The following MYO1D variants were observed in gnomAD, a reference collection of about 807,000 sequenced individuals.
MYO1D encodes unconventional myosin-Id.
In MYO1D, 83 loss-of-function variants were observed where a neutral mutation model predicts 122.0. That is an observed-to-expected ratio of 0.68 (90% CI 0.57 to 0.82). The LOEUF (loss-of-function observed/expected upper bound fraction) is 0.82. Among genes scored for constraint, MYO1D ranks in the 40% least tolerant of loss-of-function variants. The pLI is 0.00. For synonymous variants in MYO1D, 464 were observed against 446.9 expected (o/e 1.04, Z -0.48); for missense variants, 1,157 against 1,269.5 (o/e 0.91, Z 1.35).
intron 15 of MYO1D, 139 bp from the exon 16 acceptor site, chr17:32,712,334 G>A: frequency 1.3e-6 from 1 of 753,410 alleles, no homozygotes. Context: ...AGCCTCATAA[G>A]GTATGCAAAA....
chr17:32,679,275 T>G (rs1305119352), intron 16 of MYO1D, among the ~76,000 whole-genome samples: 1 of 151,486 alleles, frequency 6.6e-6, no homozygotes, highest in Non-Finnish European at 1.5e-5. Context: ...TAGATCCCAT[T>G]TGTCAATTTT....
At chr17:32,713,982 C>T (rs1185570014) in intron 15 of MYO1D, among the ~76,000 whole-genome samples, 1 of 151,702 alleles carries the variant, frequency 6.6e-6, no homozygotes, top group Non-Finnish European at 1.5e-5. Context: ...AGATGTTTTC[C>T]CACTTGATCT....
intron 14 of MYO1D, 142 bp from the exon 15 acceptor site, chr17:32,721,331 T>C: frequency 1.3e-6 from 1 of 768,736 alleles, no homozygotes; most frequent in Non-Finnish European, 2.0e-6. Flanking sequence ...AATAAAGTAG[T>C]TATTCTTCCT....
At chr17:32,560,799 T>C (rs1014918888) in intron 21 of MYO1D, among the ~76,000 whole-genome samples, 8 of 151,490 alleles carry the variant, frequency 5.3e-5, no homozygotes, top group Non-Finnish European at 8.8e-5. Flanking sequence ...TTTGTATTTT[T>C]AGTAGAGACG....
intron 11 of MYO1D, among the ~76,000 whole-genome samples, chr17:32,749,708 T>C (rs1032892941): frequency 6.6e-6 from 1 of 152,008 alleles, no homozygotes; most frequent in African/African-American, 2.4e-5. Flanking sequence ...GCCTGGGCAA[T>C]ACAGCGAGAC....
intron 6 of MYO1D, among the ~76,000 whole-genome samples, chr17:32,770,283 CT>C (rs1448746445): frequency 6.6e-6 from 1 of 152,028 alleles, no homozygotes; most frequent in Non-Finnish European, 1.5e-5. Flanking sequence ...TATCTTAGAT[CT>C]TTTTCCTTTA....
intron 1 of MYO1D, among the ~76,000 whole-genome samples, chr17:32,847,322 T>C (rs2090947450): frequency 6.6e-6 from 1 of 152,212 alleles, no homozygotes; most frequent in African/African-American, 2.4e-5. Flanking sequence ...CACAAGCATA[T>C]ATATGCTGCT....
chr17:32,597,680 T>A (rs2087510655), intron 21 of MYO1D, among the ~76,000 whole-genome samples: 2 of 151,862 alleles, frequency 1.3e-5, no homozygotes. Context: ...AAGACCAGCC[T>A]GGCCAAAATG....
chr17:32,696,165 G>A (rs2089169619), intron 16 of MYO1D, among the ~76,000 whole-genome samples: 1 of 151,936 alleles, frequency 6.6e-6, no homozygotes, highest in African/African-American at 2.4e-5. Context: ...GAGAATGGCA[G>A]CCCCACAGAG....
intron 21 of MYO1D, among the ~76,000 whole-genome samples, chr17:32,560,908 A>G (rs1390811093): frequency 6.9e-6 from 1 of 144,988 alleles, no homozygotes; most frequent in Non-Finnish European, 1.5e-5. Context: ...ATGAGCCACT[A>G]TGCGTGGCTT....
intron 1 of MYO1D, among the ~76,000 whole-genome samples, chr17:32,781,218 C>T (rs1030681505): frequency 6.6e-6 from 1 of 152,088 alleles, no homozygotes; most frequent in African/African-American, 2.4e-5. Flanking sequence ...CCTCTTGAAC[C>T]TCACTAAAAT....
chr17:32,855,614 T>C (rs1384835213), intron 1 of MYO1D, among the ~76,000 whole-genome samples: 1 of 152,222 alleles, frequency 6.6e-6, no homozygotes, highest in African/African-American at 2.4e-5. Context: ...CGACTCCTAC[T>C]CCTACATCTA....
At chr17:32,876,605 C>G (rs1598176438) in intron 1 of MYO1D, among the ~76,000 whole-genome samples, 173 bp downstream of exon 1, 1 of 152,174 alleles carries the variant, frequency 6.6e-6, no homozygotes, top group East Asian at 1.9e-4. Flanking sequence ...GGCGTCCGCT[C>G]TCGGGAAAGC....
At chr17:32,635,390 C>G (rs1330267682) in intron 20 of MYO1D, among the ~76,000 whole-genome samples, 1 of 152,048 alleles carries the variant, frequency 6.6e-6, no homozygotes, top group African/African-American at 2.4e-5. Flanking sequence ...CCCTTACTAC[C>G]CTGGTACCTT....
chr17:32,864,044 T>TTTTTTTTTTTTTA (rs2091102693), intron 1 of MYO1D, among the ~76,000 whole-genome samples: 1 of 112,278 alleles, frequency 8.9e-6, no homozygotes, highest in African/African-American at 3.4e-5. Context: ...TTTTTTTTTT[T>TTTTTTTTTTTTTA]GGTGTTTGCA....
chr17:32,511,752 A>G (rs1429140679), intron 21 of MYO1D, among the ~76,000 whole-genome samples: 1 of 152,192 alleles, frequency 6.6e-6, no homozygotes, highest in Non-Finnish European at 1.5e-5. Context: ...TGAAGGTGCT[A>G]AATAAGACTG....
intron 14 of MYO1D, among the ~76,000 whole-genome samples, chr17:32,723,964 G>A (rs1452859106): frequency 2.0e-5 from 3 of 152,092 alleles, no homozygotes; most frequent in Non-Finnish European, 4.4e-5. Flanking sequence ...AGCACAAGCA[G>A]AATCCTACTT....
chr17:32,567,038 C>T (rs763734487), intron 21 of MYO1D, among the ~76,000 whole-genome samples: 1 of 151,308 alleles, frequency 6.6e-6, no homozygotes, highest in South Asian at 2.1e-4. Flanking sequence ...GCAGATGATG[C>T]GGCTGCAGGC....
chr17:32,693,927 G>A (rs1310250885), intron 16 of MYO1D, among the ~76,000 whole-genome samples: 1 of 152,206 alleles, frequency 6.6e-6, no homozygotes, highest in Non-Finnish European at 1.5e-5. Context: ...AGTTGTTGCT[G>A]AAGCATTTTT....
Sources: allele counts gnomAD v4.1 joint callset (sites outside exome capture counted in the v4.1 genomes callset), GRCh38; gene constraint gnomAD v4.1.1; transcripts MANE v1.5; gene names NCBI Gene and HGNC (gene_info 2026-07-23, HGNC 2026-07-21).